The following TSKU variants were observed in gnomAD, a reference collection of about 807,000 sequenced individuals.
TSKU encodes tsukushi.
TSKU carries 4 observed loss-of-function variants against 11.2 expected under a neutral mutation model. The observed-to-expected ratio is 0.36, with a 90% CI of 0.18 to 0.82. The LOEUF (loss-of-function observed/expected upper bound fraction) is 0.82, where lower values mean the gene tolerates loss of function less well. Ranked by LOEUF, TSKU falls within the 40% of genes least tolerant of loss-of-function variation. TSKU has a pLI of 0.50. For missense variants in TSKU, 407 were observed against 482.5 expected (o/e 0.84, Z 1.47); for synonymous variants, 220 against 232.2 (o/e 0.95, Z 0.48).
At chr11:76,791,941 G>C (rs1944376149) in intron 1 of TSKU, 1 of 152,430 alleles carries the variant, frequency 6.6e-6, no homozygotes, top group Admixed American at 6.5e-5. Flanking sequence ...GCCTAGTGGA[G>C]CTGTGAGAAG....
chr11:76,783,559 G>T (rs1201172594), intron 1 of TSKU, among the ~76,000 whole-genome samples, 155 bp downstream of exon 1: 1 of 152,186 alleles, frequency 6.6e-6, no homozygotes, highest in Non-Finnish European at 1.5e-5. Flanking sequence ...ACTTTCGTCG[G>T]ACGCCTAGGG....
At chr11:76,789,230 C>T (rs1255459499) in intron 1 of TSKU, among the ~76,000 whole-genome samples, 1 of 152,204 alleles carries the variant, frequency 6.6e-6, no homozygotes, top group Non-Finnish European at 1.5e-5. Context: ...CAAGGGAAGG[C>T]TGTTCCCACT....
intron 1 of TSKU, among the ~76,000 whole-genome samples, chr11:76,795,174 G>A (rs767939388): frequency 3.3e-5 from 5 of 152,152 alleles, no homozygotes; most frequent in South Asian, 2.1e-4. Context: ...CCCGGGGCCC[G>A]AGGTCTAGAC....
In TSKU at chr11:76,796,410, C is replaced by G; in HGVS notation, c.794C>G (p.Pro265Arg). 1.2e-6 allele frequency: 2 copies of G among 1,613,526 alleles called. No individual in the cohort carries two copies. Among genetic ancestry groups the G allele is most frequent in the Non-Finnish European group, 1.7e-6 (2 of 1,179,970 alleles). The change falls in exon 2 of 2, where the codon CCC becomes CGC. Residue 265 changes from proline (P) to arginine (R), a missense_variant. Coordinates refer to ENST00000333090, the MANE Select transcript of TSKU (RefSeq NM_015516.4). This position sits in a 1 kb window ranked among gnomAD's most constrained non-coding sequence, Gnocchi z 4.1. ...GLQVLDLSGN[P>R]KLNWAGAEVF... ...CAGGTCCTGGACCTGTCGGGCAACC[C>G]CAAGCTTAACTGGGCAGGAGCTGAG... is the stretch of plus-strand genomic sequence containing the variant.
Position 76,793,047 on chromosome 11 carries a change from C to T in TSKU, c.-8-2562C>T, listed in dbSNP as rs140964424. Among the ~76,000 whole-genome samples, 1,199 of 152,378 alleles carry T rather than the reference C, an allele frequency of 7.9e-3. 6 individuals carry two copies. Among genetic ancestry groups the T allele is most frequent in the Non-Finnish European group, 0.012 (819 of 68,038 alleles). ...GAGGACTGGCCCTGACTGTCACTGT[C>T]GTCACTTCCCACTGCAAATGCCCAG... On this transcript the variant is annotated intron_variant, in intron 1 of 1. Coordinates refer to ENST00000333090, the MANE Select transcript of TSKU (RefSeq NM_015516.4).
At chr11:76,788,044 TCTGG>T (rs1246540941) in intron 1 of TSKU, among the ~76,000 whole-genome samples, 1 of 151,994 alleles carries the variant, frequency 6.6e-6, no homozygotes, top group African/African-American at 2.4e-5. Context: ...GCTCCGGGAG[TCTGG>T]CCTTGAAATT....
At chr11:76,794,838 G>A (rs543669657) in intron 1 of TSKU, among the ~76,000 whole-genome samples, 42 of 152,262 alleles carry the variant, frequency 2.8e-4, no homozygotes, top group African/African-American at 9.4e-4. Flanking sequence ...GTATGGGTGC[G>A]GTGGGGCAGT....
Position 76,797,149 on chromosome 11 carries a change from G to C in TSKU, c.*471G>C, listed in dbSNP as rs1206416119. 1 of 169,278 alleles carries C rather than the reference G, an allele frequency of 5.9e-6. No homozygotes were observed. The highest frequency in any genetic ancestry group is 2.4e-5 in the African/African-American group (1 of 41,534). 10.5% of individuals were successfully genotyped at this position (169,278 alleles called of 1,614,324 possible). A position where few individuals can be genotyped will look rare whatever the true frequency, so the allele number is the denominator to read the frequency against. On this transcript the variant is annotated 3_prime_UTR_variant, in exon 2 of 2. Coordinates refer to ENST00000333090, the MANE Select transcript of TSKU (RefSeq NM_015516.4). Reference sequence around the variant, plus strand: ...TCTTTGCCATGAGGCCATGAGGCCCGCTTCATCCTTTTCTATTTCCCTAGA... The same window carrying C: ...TCTTTGCCATGAGGCCATGAGGCCCCCTTCATCCTTTTCTATTTCCCTAGA...
chr11:76,795,845 G>C lies in TSKU; in HGVS notation c.229G>C (p.Val77Leu). The C allele has an allele frequency of 2.5e-6, 4 of 1,614,010 alleles. No homozygotes were observed. Among genetic ancestry groups the C allele is most frequent in the Non-Finnish European group, 3.4e-6 (4 of 1,180,032 alleles). The stretch of plus-strand genomic sequence containing the variant: ...CCGGCTGGAGATGGTGAATGAGTCG[G>C]TGTTGGCGGGGCCGGGCTACACGAC... ...SNRLEMVNES[V>L]LAGPGYTTLA... The change falls in exon 2 of 2, where the codon GTG becomes CTG. Residue 77 changes from valine to leucine, a missense_variant. By Grantham distance (32) the Val-to-Leu change is conservative. Coordinates refer to ENST00000333090, the MANE Select transcript of TSKU (RefSeq NM_015516.4).
rs750243852 is a variant in TSKU at position 76,796,587 on chromosome 11, C to T, written c.971C>T (p.Thr324Ile). The change falls in exon 2 of 2, where the codon ACC (threonine) becomes ATC (isoleucine). Residue 324 changes from threonine (T) to isoleucine (I), a missense_variant. Physicochemically the swap from Thr to Ile is moderately conservative, Grantham distance 89 (BLOSUM62 -1). Transcript: ENST00000333090. The surrounding 1 kb of genome is among the most constrained non-coding windows in gnomAD (Gnocchi z 4.1). ...VRCRRLVREG[T>I]YPRRPGSSPK... ...TGCCGGCGCCTGGTGCGGGAGGGCA[C>T]CTACCCCCGGAGGCCTGGCTCCAGC... The T allele has an allele frequency of 4.5e-6, 7 of 1,541,894 alleles. No homozygotes were observed. In the Admixed American group the frequency reaches 6.1e-5, roughly 13 times the overall value.
At chr11:76,791,292 A>AAAAGG (rs1308384149) in intron 1 of TSKU, among the ~76,000 whole-genome samples, 1 of 152,230 alleles carries the variant, frequency 6.6e-6, no homozygotes, top group East Asian at 1.9e-4. Flanking sequence ...AAAAGAAAAG[A>AAAAGG]AAATGCCATT....
At position 76,796,154 on chromosome 11, in the gene TSKU, G is replaced by C; in HGVS notation, c.538G>C (p.Gly180Arg). Residue 180 changes from glycine (G) to arginine (R), a missense_variant, in exon 2 of 2, where the codon GGC (glycine) becomes CGC (arginine). Physicochemically the swap from Gly to Arg is moderately radical, Grantham distance 125 (BLOSUM62 -2). Transcript: ENST00000333090. This position sits in a 1 kb window ranked among gnomAD's most constrained non-coding sequence, Gnocchi z 4.1. ...HRLVPHPTRA[G>R]LPAPTIQSLN... ...CCTCGTGCCCCACCCCACGAGGGCCGGCCTGCCTGCGCCCACCATTCAGAG... is the reference window on the plus strand; with the variant it reads ...CCTCGTGCCCCACCCCACGAGGGCCCGCCTGCCTGCGCCCACCATTCAGAG... 1 of 1,613,584 alleles carries C rather than the reference G, an allele frequency of 6.2e-7. No individual in the cohort carries two copies. Among genetic ancestry groups the C allele is most frequent in the Non-Finnish European group, 8.5e-7 (1 of 1,180,000 alleles).
rs74888090 is a variant in TSKU, at chr11:76,787,393, C to T, written c.-9+3989C>T. Reference sequence around the variant, plus strand: ...AAGTTGCTAGGCTTACAGGTCCCTGCGATCATGTCATGGAGGAGGCCAGGT... The same window carrying T: ...AAGTTGCTAGGCTTACAGGTCCCTGTGATCATGTCATGGAGGAGGCCAGGT... On this transcript the variant is annotated intron_variant, in intron 1 of 1. Transcript: ENST00000333090. Among the ~76,000 whole-genome samples, 1,355 of 152,266 alleles carry T rather than the reference C, an allele frequency of 8.9e-3. 22 individuals carry two copies. The highest frequency in any genetic ancestry group is 0.03 in the African/African-American group (1,246 of 41,550).
At chr11:76,795,528 T>A (rs1149620) in intron 1 of TSKU, 81 bp from the exon 2 acceptor site, 668,881 of 1,497,808 alleles carry the variant, frequency 0.45, 152,242 homozygotes, top group African/African-American at 0.64. Context: ...CTTCCAACAG[T>A]GTCTAGACTG....
chr11:76,792,391 G>A (rs1452666454), intron 1 of TSKU: 2 of 152,122 alleles, frequency 1.3e-5, no homozygotes, highest in Non-Finnish European at 2.9e-5. Context: ...TGGACTTTTG[G>A]GTTAATACTG....
intron 1 of TSKU, 138 bp from the exon 2 acceptor site, chr11:76,795,471 T>C (rs1315173073): frequency 1.9e-6 from 2 of 1,041,760 alleles, no homozygotes; most frequent in African/African-American, 1.6e-5. Flanking sequence ...CTAGGAACTC[T>C]GGGGAGTGTT....
intron 1 of TSKU, among the ~76,000 whole-genome samples, chr11:76,785,735 G>A (rs1161748839): frequency 6.6e-6 from 1 of 152,124 alleles, no homozygotes; most frequent in Non-Finnish European, 1.5e-5. Flanking sequence ...GATTTAAACA[G>A]GCACAGCAGG....
chr11:76,786,352 C>T (rs1307396008), intron 1 of TSKU, among the ~76,000 whole-genome samples: 2 of 152,220 alleles, frequency 1.3e-5, no homozygotes, highest in African/African-American at 4.8e-5. Flanking sequence ...GCAGGTTAGA[C>T]TGGGAAAGCC....
At chr11:76,790,196 G>T (rs1421063530) in intron 1 of TSKU, among the ~76,000 whole-genome samples, 1 of 152,092 alleles carries the variant, frequency 6.6e-6, no homozygotes, top group East Asian at 1.9e-4. Context: ...CACAGAAGGG[G>T]GAAGAGACTT....
Sources: gnomAD v4.1 joint callset for allele counts (sites outside exome capture counted in the v4.1 genomes callset) on GRCh38, gnomAD v4.1.1 for gene constraint, Gnocchi (gnomAD v3.1) non-coding constraint, MANE v1.5 for transcripts, NCBI Gene and HGNC (gene_info 2026-07-23, HGNC 2026-07-21) for gene names.